PIP4K2A: variants seen among roughly 807,000 people sequenced by gnomAD.
PIP4K2A encodes phosphatidylinositol-5-phosphate 4-kinase type 2 alpha.
Under a neutral mutation model 42.9 loss-of-function variants are expected in PIP4K2A, and 14 were observed. The observed-to-expected ratio is 0.33, with a 90% CI of 0.22 to 0.51. PIP4K2A has a LOEUF of 0.51. PIP4K2A is among the 20% of genes least tolerant of loss of function. The pLI is 0.97. For missense variants in PIP4K2A, 434 were observed against 519.8 expected, an observed-to-expected ratio of 0.83 and a Z score of 1.61; for synonymous variants, 192 against 192.2, an observed-to-expected ratio of 1.00 and a Z score of 0.01.
intron 1 of PIP4K2A, among the ~76,000 whole-genome samples, chr10:22,681,464 C>T (rs1160598006): frequency 2.6e-5 from 4 of 152,116 alleles, no homozygotes; most frequent in Non-Finnish European, 5.9e-5. Context: ...GTTTAAGTTT[C>T]AGAGTTTGAG....
intron 1 of PIP4K2A, among the ~76,000 whole-genome samples, chr10:22,615,108 C>T (rs746552858): frequency 2.0e-5 from 3 of 151,376 alleles, no homozygotes; most frequent in Non-Finnish European, 2.9e-5. Flanking sequence ...CATTATTTTA[C>T]ACTTATTATC....
At chr10:22,603,023 T>C (rs1232689105) in intron 3 of PIP4K2A, among the ~76,000 whole-genome samples, 3 of 152,244 alleles carry the variant, frequency 2.0e-5, no homozygotes, top group African/African-American at 7.2e-5. Flanking sequence ...GCAGAATTCC[T>C]GCTGCCCCAC....
intron 1 of PIP4K2A, among the ~76,000 whole-genome samples, chr10:22,699,563 A>G (rs1402683269): frequency 3.3e-5 from 5 of 152,052 alleles, no homozygotes; most frequent in African/African-American, 1.2e-4. Flanking sequence ...CAAAGGGCCG[A>G]CAAATAAATT....
At chr10:22,552,262 TAAAG>T (rs1836429242) in intron 6 of PIP4K2A, among the ~76,000 whole-genome samples, 1 of 151,992 alleles carries the variant, frequency 6.6e-6, no homozygotes, top group Admixed American at 6.6e-5. Flanking sequence ...AGGTAGAAAA[TAAAG>T]CAGGATGGGA....
At position 22,537,118 on chromosome 10, in the gene PIP4K2A, ACT is replaced by A; in HGVS notation, c.*81_*82del. On this transcript the variant is annotated 3_prime_UTR_variant, in exon 10 of 10. Coordinates refer to ENST00000376573, the MANE Select transcript of PIP4K2A (RefSeq NM_005028.5). ...TTGCTTCCTGCAAGATGAGTACTTC[ACT>A]GAGTTTGGTTTTCATTTTTCCTACA... The A allele has an allele frequency of 1.9e-6, 2 of 1,026,236 alleles. No individual in the cohort carries two copies. The highest frequency in any genetic ancestry group is 2.1e-4 in the Middle Eastern group (1 of 4,874). The allele number at this position is 1,026,236 out of a possible 1,614,324, so 63.6% of individuals were successfully genotyped here.
At chr10:22,612,289 ACAATG>A (rs1191283882) in intron 1 of PIP4K2A, among the ~76,000 whole-genome samples, 2 of 152,232 alleles carry the variant, frequency 1.3e-5, no homozygotes, top group African/African-American at 4.8e-5. Flanking sequence ...TTGAACTCTA[ACAATG>A]ACAGAGTCAG....
chr10:22,601,299 G>A (rs1485068967), intron 3 of PIP4K2A, among the ~76,000 whole-genome samples: 4 of 152,100 alleles, frequency 2.6e-5, no homozygotes, highest in East Asian at 1.9e-4. Context: ...GGTTTGAGGC[G>A]GGAAACACAG....
intron 5 of PIP4K2A, among the ~76,000 whole-genome samples, chr10:22,570,161 A>G (rs1257086786): frequency 6.6e-6 from 1 of 152,210 alleles, no homozygotes; most frequent in Non-Finnish European, 1.5e-5. Context: ...GAGGCAACCA[A>G]GATTCATTAA....
rs1835979514 is a variant in PIP4K2A, at chr10:22,537,947, T to G, written c.1141-666A>C. On this transcript the variant is annotated intron_variant, in intron 9 of 9. Coordinates refer to ENST00000376573, the MANE Select transcript of PIP4K2A (RefSeq NM_005028.5). ...ACACAGGGGTGCCACTGTTCCCCTT[T>G]CTGAGCCCTGCAGAGAGCAAGCAAG... 2.0e-5 allele frequency among the ~76,000 whole-genome samples: 3 copies of G among 152,260 alleles called. No individual in the cohort carries two copies. The South Asian group carries it at 6.2e-4, about 32-fold the overall frequency.
Position 22,602,307 on chromosome 10 carries a change from C to T in PIP4K2A, c.339+5620G>A, listed in dbSNP as rs143805164. On this transcript the variant is annotated intron_variant, in intron 3 of 9. Transcript: ENST00000376573. ...ACTCAGGGGGCTGAAGTGGCAGGAT[C>T]GATTGAGCCCAGGAGTTGGGAGGCT... Among the ~76,000 whole-genome samples, 275 of 150,364 alleles carry T rather than the reference C, an allele frequency of 1.8e-3. 2 individuals carry two copies. The highest frequency in any genetic ancestry group is 6.2e-3 in the African/African-American group (255 of 40,884).
At chr10:22,665,405 T>C (rs1268758653) in intron 1 of PIP4K2A, among the ~76,000 whole-genome samples, 1 of 152,126 alleles carries the variant, frequency 6.6e-6, no homozygotes, top group African/African-American at 2.4e-5. Context: ...GCACTATAAT[T>C]TATTTAGCTG....
intron 6 of PIP4K2A, among the ~76,000 whole-genome samples, chr10:22,561,530 C>G (rs1204093508): frequency 1.4e-5 from 2 of 143,166 alleles, no homozygotes; most frequent in African/African-American, 5.2e-5. Flanking sequence ...ATTGAGATTA[C>G]TAATTAAACT....
At chr10:22,668,954 T>C (rs1839399698) in intron 1 of PIP4K2A, among the ~76,000 whole-genome samples, 1 of 152,252 alleles carries the variant, frequency 6.6e-6, no homozygotes, top group Non-Finnish European at 1.5e-5. Context: ...TCTGTTTTAA[T>C]ACATTTCATT....
At chr10:22,557,684 A>G (rs1272281465) in intron 6 of PIP4K2A, among the ~76,000 whole-genome samples, 1 of 152,232 alleles carries the variant, frequency 6.6e-6, no homozygotes, top group Admixed American at 6.5e-5. Context: ...ATTTCAAACT[A>G]TAGTTTGAAA....
In PIP4K2A at chr10:22,707,719, C is replaced by T. The variant is rs181360979; in HGVS notation, c.144+6464G>A. ...AGGCGGGTAATCAATTCAGCCTATGCGTGTTCCCCCCCAAGAATTCTTCCT... is the reference window on the plus strand; with the variant it reads ...AGGCGGGTAATCAATTCAGCCTATGTGTGTTCCCCCCCAAGAATTCTTCCT... On this transcript the variant is annotated intron_variant, in intron 1 of 9. Transcript: ENST00000376573. 2.6e-3 allele frequency among the ~76,000 whole-genome samples: 390 copies of T among 152,272 alleles called. 8 individuals carry two copies. Among genetic ancestry groups the T allele is most frequent in the Non-Finnish European group, 5.0e-4 (34 of 68,010 alleles).
chr10:22,612,665 T>G (rs1838079606), intron 1 of PIP4K2A, among the ~76,000 whole-genome samples: 1 of 152,114 alleles, frequency 6.6e-6, no homozygotes, highest in Admixed American at 6.6e-5. Flanking sequence ...TCTATGGGGC[T>G]TGATGATGAC....
chr10:22,666,271 A>C (rs1424548295), intron 1 of PIP4K2A, among the ~76,000 whole-genome samples: 1 of 152,234 alleles, frequency 6.6e-6, no homozygotes, highest in Non-Finnish European at 1.5e-5. Context: ...AGAAATGTTG[A>C]GAGCTACAAT....
At chr10:22,614,508 C>T (rs146757381) in intron 1 of PIP4K2A, among the ~76,000 whole-genome samples, 6 of 152,256 alleles carry the variant, frequency 3.9e-5, no homozygotes, top group African/African-American at 7.2e-5. Flanking sequence ...ATTTCCCCTC[C>T]GGATTCCCCC....
intron 1 of PIP4K2A, among the ~76,000 whole-genome samples, chr10:22,656,468 T>A (rs1839103653): frequency 6.6e-6 from 1 of 152,158 alleles, no homozygotes; most frequent in South Asian, 2.1e-4. Context: ...CTGGACTCAG[T>A]GGTGAACACG....
Sources: allele counts gnomAD v4.1 joint callset (sites outside exome capture counted in the v4.1 genomes callset), GRCh38; gene constraint gnomAD v4.1.1; transcripts MANE v1.5; gene names NCBI Gene and HGNC (gene_info 2026-07-23, HGNC 2026-07-21).